NCKAP5: variants seen among roughly 807,000 people sequenced by gnomAD.
The protein encoded by NCKAP5 is nck-associated protein 5.
A neutral mutation model predicts 167.0 loss-of-function variants in NCKAP5; 92 were observed. That is an observed-to-expected ratio of 0.55 (90% CI 0.47 to 0.66). NCKAP5 has a LOEUF of 0.66. Ranked by LOEUF, NCKAP5 falls within the 30% of genes least tolerant of loss-of-function variation. The pLI is 0.00. For missense variants in NCKAP5, 2,378 were observed against 2,315.0 expected (o/e 1.03, Z -0.56); for synonymous variants, 891 against 877.4 (o/e 1.02, Z -0.27).
chr2:133,430,854 G>A (rs1224998049), intron 3 of NCKAP5, among the ~76,000 whole-genome samples: 1 of 151,870 alleles, frequency 6.6e-6, no homozygotes, highest in Non-Finnish European at 1.5e-5. Flanking sequence ...TAAATAGTGG[G>A]GGTGGGGGTG....
intron 11 of NCKAP5, among the ~76,000 whole-genome samples, chr2:132,827,873 A>G (rs949837484): frequency 2.0e-5 from 3 of 152,144 alleles, no homozygotes; most frequent in African/African-American, 7.2e-5. Flanking sequence ...TGGAGCTGCC[A>G]CTTGGGTTTT....
rs1689498718 is a variant in NCKAP5, at chr2:133,421,860, C to T, written c.69+95598G>A. 5.3e-5 allele frequency among the ~76,000 whole-genome samples: 8 copies of T among 152,318 alleles called. No homozygotes were observed. In the South Asian group the frequency reaches 1.7e-3, roughly 32 times the overall value. On this transcript the variant is annotated intron_variant, in intron 3 of 19. Transcript: ENST00000409261. ...TACGCTGTCAAGTCACATTACATCA[C>T]CTGCACTAAATCCCACCCAGTGATA... is the stretch of plus-strand genomic sequence containing the variant.
chr2:133,200,061 C>CTTTTTTTTTTTTTTTTTTTTTTT (rs70973417), intron 5 of NCKAP5, among the ~76,000 whole-genome samples: 1 of 109,396 alleles, frequency 9.1e-6, no homozygotes, highest in African/African-American at 3.4e-5. Flanking sequence ...TTTTTTCTTT[C>CTTTTTTTTTTTTTTTTTTTTTTT]TTTTTTTTTT....
chr2:133,302,485 CA>C (rs1236102399), intron 4 of NCKAP5, among the ~76,000 whole-genome samples: 35 of 41,318 alleles, frequency 8.5e-4, no homozygotes, highest in African/African-American at 2.9e-3. Context: ...TTTGTAGGGA[CA>C]TGGATGAAAT....
chr2:133,271,657 G>C (rs1318769657), intron 4 of NCKAP5, among the ~76,000 whole-genome samples: 1 of 152,174 alleles, frequency 6.6e-6, no homozygotes, highest in Non-Finnish European at 1.5e-5. Flanking sequence ...CACTATCATA[G>C]ATTGAAAGAG....
chr2:133,405,885 A>G (rs1688395412), intron 3 of NCKAP5, among the ~76,000 whole-genome samples: 1 of 152,210 alleles, frequency 6.6e-6, no homozygotes, highest in Admixed American at 6.5e-5. Context: ...CACTCAATAC[A>G]TAGTTGGTGA....
chr2:133,515,023 TTATCTAGAA>T (rs1683865877), intron 3 of NCKAP5, among the ~76,000 whole-genome samples: 1 of 152,220 alleles, frequency 6.6e-6, no homozygotes, highest in African/African-American at 2.4e-5. Context: ...ACAGCAGCCC[TTATCTAGAA>T]TCTTCCCTAC....
At position 132,783,736 on chromosome 2, in the gene NCKAP5, G is replaced by C. The variant is rs1683277287; in HGVS notation, c.3075C>G (p.Pro1025=). ...VIQTRCPAHA[P]SSSFTVMALG... ...GAGCCATTACGGTGAAGGAGCTGGAGGGGGCATGAGCAGGGCATCGGGTTT... is the reference window on the plus strand; with the variant it reads ...GAGCCATTACGGTGAAGGAGCTGGACGGGGCATGAGCAGGGCATCGGGTTT... Residue 1025 remains proline (P), a synonymous_variant, in exon 14 of 20, where the codon CCC becomes CCG. Coordinates refer to ENST00000409261, the MANE Select transcript of NCKAP5 (RefSeq NM_207363.3). The C allele has an allele frequency of 6.2e-7, 1 of 1,608,934 alleles. No homozygotes were observed. The highest frequency in any genetic ancestry group is 8.5e-7 in the Non-Finnish European group (1 of 1,177,578).
chr2:133,077,068 A>G (rs2080629456), intron 6 of NCKAP5, among the ~76,000 whole-genome samples: 1 of 152,196 alleles, frequency 6.6e-6, no homozygotes, highest in Non-Finnish European at 1.5e-5. Context: ...CTTTTTGGAT[A>G]TTCTTATTTT....
the NCKAP5 span, among the ~76,000 whole-genome samples, chr2:133,650,950 AG>A: frequency 6.6e-6 from 1 of 152,176 alleles, no homozygotes. Flanking sequence ...CCTCAACAAA[AG>A]GTGTTGGGAA....
intron 6 of NCKAP5, among the ~76,000 whole-genome samples, chr2:133,015,178 T>A (rs1387648958): frequency 6.6e-6 from 1 of 151,748 alleles, no homozygotes; most frequent in Non-Finnish European, 1.5e-5. Context: ...ACATAAATTA[T>A]CTCTTTTTTT....
rs1280987395 is a variant in NCKAP5, at chr2:133,231,069, T to G, written c.144-17290A>C. On this transcript the variant is annotated intron_variant, in intron 4 of 19. Transcript: ENST00000409261. ...ATATTGTGAGGCTCCCTCCAAACCA[T>G]CTTATAAATCATAGACTACTACACG... Among the ~76,000 whole-genome samples the G allele has an allele frequency of 4.7e-4, 72 of 152,154 alleles. 1 individual carries two copies. The highest frequency in any genetic ancestry group is 4.5e-3 in the Admixed American group (69 of 15,272).
At chr2:132,833,054 A>T (rs1687630442) in intron 11 of NCKAP5, among the ~76,000 whole-genome samples, 1 of 152,034 alleles carries the variant, frequency 6.6e-6, no homozygotes, top group African/African-American at 2.4e-5. Context: ...CTTTTGCCTT[A>T]TTAATAATAG....
chr2:132,823,019 T>A (rs576823521), intron 11 of NCKAP5, among the ~76,000 whole-genome samples: 46 of 152,148 alleles, frequency 3.0e-4, no homozygotes, highest in African/African-American at 1.0e-3. Context: ...AAAAATAATT[T>A]AAAAAAATGA....
intron 8 of NCKAP5, among the ~76,000 whole-genome samples, chr2:132,905,574 G>T (rs1395641564): frequency 6.6e-6 from 1 of 151,972 alleles, no homozygotes; most frequent in Admixed American, 6.6e-5. Context: ...GTAATATTTG[G>T]CCTGCCTATC....
chr2:133,479,927 T>TTTTCC (rs1487425031), intron 3 of NCKAP5, among the ~76,000 whole-genome samples: 2 of 146,030 alleles, frequency 1.4e-5, no homozygotes, highest in Non-Finnish European at 3.0e-5. Flanking sequence ...TTTGTTTTCT[T>TTTTCC]TTTCCTTTTT....
chr2:133,625,872 A>C, the NCKAP5 span, among the ~76,000 whole-genome samples: 2 of 143,768 alleles, frequency 1.4e-5, no homozygotes, highest in African/African-American at 2.6e-5. Flanking sequence ...ACTTGTCTCA[A>C]AAAAAAAAAA....
At chr2:132,991,703 T>C (rs528572068) in intron 7 of NCKAP5, among the ~76,000 whole-genome samples, 1 of 152,272 alleles carries the variant, frequency 6.6e-6, no homozygotes, top group South Asian at 2.1e-4. Flanking sequence ...ACTCCAGCTT[T>C]CCCAGGGGCC....
rs571030265 is a variant in NCKAP5 at position 133,111,981 on chromosome 2, G to A, written c.341+17997C>T. ...TACTAAGATTCCAGGTAAATTAAAA[G>A]AATACATGAGAGGTCACTGAAACAG... On this transcript the variant is annotated intron_variant, in intron 6 of 19. Coordinates refer to ENST00000409261, the MANE Select transcript of NCKAP5 (RefSeq NM_207363.3). 5.4e-4 allele frequency among the ~76,000 whole-genome samples: 82 copies of A among 152,172 alleles called. No individual in the cohort carries two copies. The East Asian group carries it at 0.015, about 29-fold the overall frequency.
Sources: gnomAD v4.1 joint callset for allele counts (sites outside exome capture counted in the v4.1 genomes callset) on GRCh38, gnomAD v4.1.1 for gene constraint, MANE v1.5 for transcripts, NCBI Gene and HGNC (gene_info 2026-07-23, HGNC 2026-07-21) for gene names.